The following LGR6 variants were observed in gnomAD, a reference collection of about 807,000 sequenced individuals.
The protein encoded by LGR6 is leucine-rich repeat-containing G protein-coupled receptor 6.
LGR6 carries 45 observed loss-of-function variants against 69.4 expected under a neutral mutation model. That is an observed-to-expected ratio of 0.65 (90% CI 0.51 to 0.83). The LOEUF is 0.83. Among genes scored for constraint, LGR6 ranks in the 40% least tolerant of loss-of-function variants. The pLI, the probability that LGR6 is intolerant of heterozygous loss-of-function variation, is 0.00. For missense variants in LGR6, 1,108 were observed against 1,246.7 expected (o/e 0.89, Z 1.68); for synonymous variants, 538 against 555.0 (o/e 0.97, Z 0.43).
chr1:202,311,326 A>G (rs1369331087), intron 16 of LGR6, among the ~76,000 whole-genome samples: 6 of 152,258 alleles, frequency 3.9e-5, no homozygotes, highest in Non-Finnish European at 4.4e-5. Flanking sequence ...TGGACCAGTC[A>G]TGTAACCATA....
intron 4 of LGR6, among the ~76,000 whole-genome samples, chr1:202,253,301 A>C (rs1663426495): frequency 6.6e-6 from 1 of 151,666 alleles, no homozygotes; most frequent in African/African-American, 2.4e-5. Flanking sequence ...TGATGGTCCT[A>C]ATACTCTTTT....
chr1:202,291,434 G>A (rs1479748286), intron 6 of LGR6, among the ~76,000 whole-genome samples: 5 of 152,186 alleles, frequency 3.3e-5, no homozygotes, highest in African/African-American at 1.2e-4. Context: ...CAAAGGCCAA[G>A]ACACTGCCAT....
chr1:202,214,176 C>G (rs1170457291), intron 1 of LGR6: 2 of 1,527,956 alleles, frequency 1.3e-6, no homozygotes, highest in South Asian at 1.3e-5. Context: ...GGGAGAGGGC[C>G]GCTCAGCGAG....
At chr1:202,282,619 G>GT (rs1322428848) in intron 6 of LGR6, among the ~76,000 whole-genome samples, 3 of 152,218 alleles carry the variant, frequency 2.0e-5, no homozygotes, top group Non-Finnish European at 4.4e-5. Flanking sequence ...CCAATGCCAT[G>GT]AACCCTGGAG....
chr1:202,240,567 T>A (rs1662102517), intron 4 of LGR6, among the ~76,000 whole-genome samples: 1 of 151,912 alleles, frequency 6.6e-6, no homozygotes, highest in African/African-American at 2.4e-5. Flanking sequence ...CATCAGTGTG[T>A]GTGTGTGTTG....
At chr1:202,312,218 C>T (rs1447812634) in intron 16 of LGR6, among the ~76,000 whole-genome samples, 1 of 152,250 alleles carries the variant, frequency 6.6e-6, no homozygotes, top group African/African-American at 2.4e-5. Flanking sequence ...CTGCTCCAGC[C>T]AGATTCGATT....
chr1:202,302,283 A>T (rs1440903380), intron 9 of LGR6, among the ~76,000 whole-genome samples: 1 of 152,170 alleles, frequency 6.6e-6, no homozygotes, highest in Non-Finnish European at 1.5e-5. Flanking sequence ...TAACCCTGTG[A>T]GGTAGGTGTT....
At chr1:202,310,458 C>A in intron 16 of LGR6, 101 bp downstream of exon 16, 2 of 1,170,936 alleles carry the variant, frequency 1.7e-6, no homozygotes, top group Non-Finnish European at 2.4e-6. Context: ...ACAGCAGCTG[C>A]AGAGGGAAGC....
intron 4 of LGR6, among the ~76,000 whole-genome samples, chr1:202,262,935 CTTTTATTTTATTTTA>C (rs58749601): frequency 0.01 from 1,474 of 146,946 alleles, 9 homozygotes; most frequent in Non-Finnish European, 0.012. Context: ...TGAAACTTGC[CTTTTATTTTATTTTA>C]TTTTATTTTA....
intron 4 of LGR6, among the ~76,000 whole-genome samples, chr1:202,236,802 A>G (rs1057181859): frequency 2.6e-5 from 4 of 152,056 alleles, no homozygotes; most frequent in Non-Finnish European, 4.4e-5. Context: ...CTAGTGGGGG[A>G]AACTGAGTCA....
intron 1 of LGR6, among the ~76,000 whole-genome samples, chr1:202,205,021 T>TAA (rs200914724): frequency 0.56 from 4,275 of 7,600 alleles, 1,235 homozygotes; most frequent in South Asian, 0.68. Context: ...CACACACACC[T>TAA]CACACACCTC....
intron 6 of LGR6, among the ~76,000 whole-genome samples, chr1:202,283,668 A>C (rs1447550009): frequency 6.6e-6 from 1 of 152,196 alleles, no homozygotes; most frequent in Non-Finnish European, 1.5e-5. Flanking sequence ...AGGTGCGGGC[A>C]TGCACACACG....
chr1:202,276,503 T>A lies in LGR6; in HGVS notation c.626T>A (p.Leu209His). The change falls in exon 5 of 18, where the codon CTC (leucine) becomes CAC (histidine). Residue 209 changes from leucine (L) to histidine (H), a missense_variant. Coordinates refer to ENST00000367278, the MANE Select transcript of LGR6 (RefSeq NM_001017403.2). The stretch of plus-strand genomic sequence containing the variant: ...ATCCCCGACTACGCGTTCCAGAATC[T>A]CACCAGCCTTGTGGTGCTGTGAGTG... The part of the protein sequence containing the change: ...SHIPDYAFQN[L>H]TSLVVLHLHN... 6.2e-7 allele frequency: 1 copy of A among 1,613,782 alleles called. No individual in the cohort carries two copies. Among genetic ancestry groups the A allele is most frequent in the Non-Finnish European group, 8.5e-7 (1 of 1,179,830 alleles).
chr1:202,254,097 G>A (rs946582601), intron 4 of LGR6, among the ~76,000 whole-genome samples: 5 of 151,596 alleles, frequency 3.3e-5, no homozygotes, highest in Non-Finnish European at 4.4e-5. Context: ...GAGCCACCGC[G>A]CCCGGCCTCT....
chr1:202,243,490 C>T (rs895558116), intron 4 of LGR6, among the ~76,000 whole-genome samples: 22 of 152,180 alleles, frequency 1.4e-4, no homozygotes, highest in Non-Finnish European at 2.9e-4. Context: ...TAAGACATTT[C>T]TAGGAGCTTT....
chr1:202,227,978 A>C lies in LGR6; in HGVS notation c.327A>C (p.Ala109=). Residue 109 remains alanine, a synonymous_variant, in exon 3 of 18, where the codon GCA becomes GCC. Transcript: ENST00000367278. ...GNHLSHIPGQ[A]FSGLYSLKIL... ...ATCTCTCACACATCCCAGGACAAGC[A>C]TTCTCTGGTCTCTACAGCCTGAAAA... 6.2e-7 allele frequency: 1 copy of C among 1,613,786 alleles called. No homozygotes were observed. The highest frequency in any genetic ancestry group is 8.5e-7 in the Non-Finnish European group (1 of 1,179,666).
chr1:202,252,635 AG>A (rs1261710361), intron 4 of LGR6, among the ~76,000 whole-genome samples: 3 of 152,256 alleles, frequency 2.0e-5, no homozygotes, highest in Non-Finnish European at 2.9e-5. Flanking sequence ...GGTTGTGGAA[AG>A]GAACAGGGCA....
At chr1:202,197,976 T>C (rs1451421146) in intron 1 of LGR6, among the ~76,000 whole-genome samples, 2 of 152,224 alleles carry the variant, frequency 1.3e-5, no homozygotes, top group Non-Finnish European at 2.9e-5. Flanking sequence ...GCACCCATTT[T>C]CATCGCCCAC....
intron 4 of LGR6, among the ~76,000 whole-genome samples, chr1:202,251,874 G>C: frequency 8.4e-6 from 1 of 119,280 alleles, no homozygotes; most frequent in Non-Finnish European, 2.0e-5. Context: ...GAGAGGGAAA[G>C]GGGAAAGAGA....
Sources: gnomAD v4.1 joint callset for allele counts (sites outside exome capture counted in the v4.1 genomes callset) on GRCh38, gnomAD v4.1.1 for gene constraint, MANE v1.5 for transcripts, NCBI Gene and HGNC (gene_info 2026-07-23, HGNC 2026-07-21) for gene names.